Variants in IBTK observed in about 807,000 individuals in gnomAD.
IBTK encodes inhibitor of Bruton tyrosine kinase, also known as BTK-binding protein.
Under a neutral mutation model 154.9 loss-of-function variants are expected in IBTK, and 83 were observed. The observed-to-expected ratio is 0.54, with a 90% confidence interval of 0.45 to 0.64. IBTK has a LOEUF of 0.64. Among genes scored for constraint, IBTK ranks in the 30% least tolerant of loss-of-function variants. The probability of loss-of-function intolerance (pLI) is 0.00; values close to 1 mark genes in which losing one functional copy is unlikely to be tolerated. For synonymous variants in IBTK, 515 were observed against 536.1 expected, an observed-to-expected ratio of 0.96 and a Z score of 0.54; for missense variants, 1,332 against 1,584.6, an observed-to-expected ratio of 0.84 and a Z score of 2.71.
chr6:82,232,398 T>C (rs927036269), intron 3 of IBTK, among the ~76,000 whole-genome samples: 1 of 152,364 alleles, frequency 6.6e-6, no homozygotes, highest in Non-Finnish European at 1.5e-5. Flanking sequence ...ACTTTGTTTT[T>C]CATAGACACA....
At position 82,225,581 on chromosome 6, in the gene IBTK, T is replaced by A; in HGVS notation, c.721A>T (p.Thr241Ser). The change falls in exon 6 of 29, where the codon ACT becomes TCT. Residue 241 changes from threonine (T) to serine (S), a missense_variant. By Grantham distance (58) the Thr-to-Ser change is moderately conservative (BLOSUM62 1). Transcript: ENST00000306270. ...CATCCATCTTCAGTTAATACAACAG[T>A]ATGATCCTTAGCAGCTGCCACTTGG... ...CSQVAAAKDH[T>S]VVLTEDGCVY... The A allele has an allele frequency of 6.2e-7, 1 of 1,613,502 alleles. No homozygotes were observed.
At chr6:82,215,966 T>C (rs1769857492) in intron 11 of IBTK, 110 bp downstream of exon 11, 4 of 704,450 alleles carry the variant, frequency 5.7e-6, no homozygotes, top group Non-Finnish European at 9.6e-6. Flanking sequence ...AAGGTCTCTA[T>C]AGGTCTTGGC....
intron 4 of IBTK, among the ~76,000 whole-genome samples, chr6:82,228,291 A>G (rs1399749535): frequency 1.3e-5 from 2 of 152,204 alleles, no homozygotes; most frequent in African/African-American, 4.8e-5. Context: ...CAAAAAAATT[A>G]TAAGCTAGAC....
chr6:82,240,832 T>A lies in IBTK; in HGVS notation c.-346A>T, dbSNP rs1420193950. ...TCTGACCCTTTTAAATATCCATAAT[T>A]GCAAGGGTGACCTATAAGAGAAAGA... On this transcript the variant is annotated 5_prime_UTR_variant, in exon 2 of 29. Transcript: ENST00000306270. The A allele has an allele frequency of 2.4e-6, 1 of 412,720 alleles. No individual in the cohort carries two copies. The highest frequency in any genetic ancestry group is 4.3e-6 in the Non-Finnish European group (1 of 235,008). 25.6% of individuals were successfully genotyped at this position (412,720 alleles called of 1,614,324 possible). A position where few individuals can be genotyped will look rare whatever the true frequency, so the allele number is the denominator to read the frequency against.
intron 2 of IBTK, among the ~76,000 whole-genome samples, chr6:82,236,738 A>G (rs1770731614): frequency 6.6e-6 from 1 of 152,216 alleles, no homozygotes; most frequent in African/African-American, 2.4e-5. Flanking sequence ...CTGATAATCC[A>G]TAATACCTGA....
Position 82,240,428 on chromosome 6 carries a change from T to C in IBTK, c.59A>G (p.Asp20Gly). The C allele has an allele frequency of 1.2e-6, 2 of 1,614,136 alleles. No homozygotes were observed. The highest frequency in any genetic ancestry group is 1.7e-6 in the Non-Finnish European group (2 of 1,180,022). Residue 20 changes from aspartate to glycine, a missense_variant, in exon 2 of 29, where the codon GAT becomes GGT. Around this residue, in one of 3 missense-constraint regions of IBTK, gnomAD observed 84 missense variants for 96.2 expected, o/e 0.87. Coordinates refer to ENST00000306270, the MANE Select transcript of IBTK (RefSeq NM_015525.4). The stretch of plus-strand genomic sequence containing the variant: ...CCCCTTTGTTACCACAGAAAGGACA[T>C]CCAAAGCATGCTTCAGGGATCGACA... The part of the protein sequence containing the change: ...SKCRSLKHAL[D>G]VLSVVTKGSE...
At chr6:82,241,617 CAA>C (rs1770955858) in intron 1 of IBTK, among the ~76,000 whole-genome samples, 2 of 152,144 alleles carry the variant, frequency 1.3e-5, no homozygotes, top group Non-Finnish European at 1.5e-5. Flanking sequence ...GATGAAAATA[CAA>C]AAGACTCTTT....
intron 26 of IBTK, among the ~76,000 whole-genome samples, chr6:82,177,666 G>A (rs949951853): frequency 6.6e-6 from 1 of 151,850 alleles, no homozygotes; most frequent in African/African-American, 2.4e-5. Context: ...TGCCTGCCTC[G>A]GCCTCCCAAA....
chr6:82,242,804 C>T (rs893671797), intron 1 of IBTK, among the ~76,000 whole-genome samples: 1 of 150,936 alleles, frequency 6.6e-6, no homozygotes. Context: ...AATTAGCTGG[C>T]CACACTCCTG....
rs1300016675 is a variant in IBTK at position 82,201,339 on chromosome 6, CTA to C, written c.2790+81_2790+82del. The C allele has an allele frequency of 3.4e-6, 3 of 889,840 alleles. No individual in the cohort carries two copies. In the Admixed American group the frequency reaches 8.6e-5, roughly 26 times the overall value. 55.1% of individuals were successfully genotyped at this position (889,840 alleles called of 1,614,324 possible). ...TAATGTACTAGAAGTCATTAGGAAA[CTA>C]TTCCATTAATAAGTCTGATCTAATA... On this transcript the variant is annotated intron_variant, in intron 19 of 28. Coordinates refer to ENST00000306270, the MANE Select transcript of IBTK (RefSeq NM_015525.4).
chr6:82,171,502 G>A lies in IBTK; in HGVS notation c.3985C>T (p.Pro1329Ser), dbSNP rs764858543. 2.2e-5 allele frequency: 36 copies of A among 1,612,694 alleles called. No individual in the cohort carries two copies. Among genetic ancestry groups the A allele is most frequent in the African/African-American group, 4.0e-5 (3 of 74,840 alleles). Residue 1329 changes from proline (P) to serine (S), a missense_variant, in exon 29 of 29, where the codon CCT (proline) becomes TCT (serine). Pro to Ser is a moderately conservative substitution (Grantham distance 74). Around this residue, in one of 3 missense-constraint regions of IBTK, gnomAD observed 1,134 missense variants for 1,274.7 expected, o/e 0.89. Transcript: ENST00000306270. The part of the protein sequence containing the change: ...LLVFYEAFGN[P>S]EEFVIVERTP... ...CTTTCAACAATGACAAACTCTTCAG[G>A]GTTGCCAAATGCCTCATAGAAAACC... is the stretch of plus-strand genomic sequence containing the variant.
In IBTK at chr6:82,212,797, T is replaced by C. The variant is rs200664649; in HGVS notation, c.2205-4A>G. 6.7e-7 allele frequency: 1 copy of C among 1,482,514 alleles called. No homozygotes were observed. The highest frequency in any genetic ancestry group is 2.3e-5 in the East Asian group (1 of 44,070). 91.8% of individuals were successfully genotyped at this position (1,482,514 alleles called of 1,614,324 possible). ...TTCAAATCTGACTCCATCTAACCTA[T>C]CAAGGATAGATAAAAATTAACAATT... is the stretch of plus-strand genomic sequence containing the variant. On this transcript the variant is annotated splice_polypyrimidine_tract_variant and splice_region_variant and intron_variant, in intron 12 of 28. Coordinates refer to ENST00000306270, the MANE Select transcript of IBTK (RefSeq NM_015525.4).
chr6:82,180,470 T>C (rs1022586508), intron 26 of IBTK, among the ~76,000 whole-genome samples: 1 of 152,140 alleles, frequency 6.6e-6, no homozygotes, highest in African/African-American at 2.4e-5. Flanking sequence ...CAGGCTGGTC[T>C]TGAACCCCTG....
At position 82,200,453 on chromosome 6, in the gene IBTK, T is replaced by G. The variant is rs769149871; in HGVS notation, c.2912+134A>C. 9.1e-6 allele frequency: 8 copies of G among 878,950 alleles called. No individual in the cohort carries two copies. The East Asian group carries it at 2.1e-4, about 23-fold the overall frequency. 54.4% of individuals were successfully genotyped at this position (878,950 alleles called of 1,614,324 possible). On this transcript the variant is annotated intron_variant, in intron 20 of 28. Coordinates refer to ENST00000306270, the MANE Select transcript of IBTK (RefSeq NM_015525.4). ...AATGAGCGTAACTACCTATTTCTTA[T>G]GTCAGAATTTCTCAATTTCATCTTC...
In IBTK at chr6:82,235,395, G is replaced by A. The variant is rs564986139; in HGVS notation, c.322-1140C>T. Among the ~76,000 whole-genome samples the A allele has an allele frequency of 4.9e-4, 74 of 152,020 alleles. 1 individual carries two copies. The highest frequency in any genetic ancestry group is 1.7e-3 in the African/African-American group (69 of 41,500). On this transcript the variant is annotated intron_variant, in intron 2 of 28. Transcript: ENST00000306270. ...AATCGCCTGAGGTCAGGAGTTCAAC[G>A]TCAGCCTGGCCAACATGCTGAAACC...
intron 2 of IBTK, among the ~76,000 whole-genome samples, chr6:82,237,814 A>G (rs1034460998): frequency 6.6e-6 from 1 of 152,078 alleles, no homozygotes; most frequent in Non-Finnish European, 1.5e-5. Context: ...CTACAGAAAT[A>G]TTTTTTAAGT....
chr6:82,230,188 T>C (rs552465530), intron 4 of IBTK, among the ~76,000 whole-genome samples: 2 of 152,268 alleles, frequency 1.3e-5, no homozygotes, highest in South Asian at 4.1e-4. Context: ...ATGTCATATA[T>C]AAATAATAGG....
At chr6:82,247,039 C>A (rs925674416) in intron 1 of IBTK, among the ~76,000 whole-genome samples, 2 of 151,282 alleles carry the variant, frequency 1.3e-5, no homozygotes, top group Non-Finnish European at 2.9e-5. Context: ...AACAAAGGGC[C>A]TGTCTTCTCT....
chr6:82,213,287 C>A (rs1168238818), intron 12 of IBTK, among the ~76,000 whole-genome samples: 1 of 152,152 alleles, frequency 6.6e-6, no homozygotes, highest in East Asian at 1.9e-4. Context: ...CCTCAGCCTC[C>A]CAAAGTGCTG....
Sources: gnomAD v4.1 joint callset for allele counts (sites outside exome capture counted in the v4.1 genomes callset) on GRCh38, gnomAD v4.1.1 for gene constraint, gnomAD v4.1.1 regional missense constraint, MANE v1.5 for transcripts, NCBI Gene and HGNC (gene_info 2026-07-23, HGNC 2026-07-21) for gene names.